Variants in TNIK observed in about 807,000 individuals in gnomAD.
The protein encoded by TNIK is TRAF2 and NCK-interacting protein kinase.
In TNIK, 49 loss-of-function variants were observed where a neutral mutation model predicts 191.3. The ratio of observed to expected loss-of-function variants is 0.26; its 90% confidence interval spans 0.20 to 0.32. The LOEUF is 0.32. TNIK is among the 10% of genes least tolerant of loss of function. TNIK has a pLI of 1.00. For synonymous variants in TNIK, 594 were observed against 600.9 expected (o/e 0.99, Z 0.17); for missense variants, 1,155 against 1,702.3 (o/e 0.68, Z 5.66).
intron 19 of TNIK, 97 bp from the exon 20 acceptor site, chr3:171,108,259 G>T: frequency 5.4e-6 from 5 of 933,796 alleles, no homozygotes; most frequent in South Asian, 2.1e-5. Flanking sequence ...ATCACATTGA[G>T]ATTACTCAGT....
intron 2 of TNIK, among the ~76,000 whole-genome samples, chr3:171,248,951 T>C (rs746745898): frequency 6.6e-6 from 1 of 152,318 alleles, no homozygotes; most frequent in East Asian, 1.9e-4. Flanking sequence ...AATAAAATGG[T>C]GATTTTGCTT....
chr3:171,198,716 G>T (rs1285598701), intron 4 of TNIK, among the ~76,000 whole-genome samples: 1 of 152,090 alleles, frequency 6.6e-6, no homozygotes, highest in Non-Finnish European at 1.5e-5. Context: ...CTATTTTTGT[G>T]TATTTTTAGG....
At chr3:171,380,033 A>ACGCG (rs1559998126) in intron 1 of TNIK, among the ~76,000 whole-genome samples, 1 of 142,510 alleles carries the variant, frequency 7.0e-6, no homozygotes, top group African/African-American at 2.8e-5. Flanking sequence ...ACACGCGCAC[A>ACGCG]CACACACACA....
At chr3:171,326,792 G>A (rs1755817610) in intron 2 of TNIK, among the ~76,000 whole-genome samples, 1 of 152,254 alleles carries the variant, frequency 6.6e-6, no homozygotes, top group African/African-American at 2.4e-5. Context: ...TAATTTATTT[G>A]TTCACATTGA....
intron 19 of TNIK, among the ~76,000 whole-genome samples, chr3:171,109,952 T>C (rs938676387): frequency 2.6e-5 from 4 of 152,144 alleles, no homozygotes; most frequent in African/African-American, 9.7e-5. Context: ...TTGCCAAGGC[T>C]GGAGTACAAT....
At chr3:171,078,002 A>C (rs1475338117) in intron 28 of TNIK, among the ~76,000 whole-genome samples, 1 of 152,126 alleles carries the variant, frequency 6.6e-6, no homozygotes, top group Non-Finnish European at 1.5e-5. Flanking sequence ...TTAAGCTTCT[A>C]TATTGCTGCT....
At chr3:171,251,877 A>C (rs13090306) in intron 2 of TNIK, among the ~76,000 whole-genome samples, 70,599 of 151,996 alleles carry the variant, frequency 0.46, 16,838 homozygotes, top group African/African-American at 0.55. Flanking sequence ...AAGGTGAAAG[A>C]TTGAGTTGGA....
intron 4 of TNIK, among the ~76,000 whole-genome samples, chr3:171,199,925 T>C (rs1381730581): frequency 6.6e-6 from 1 of 152,232 alleles, no homozygotes; most frequent in African/African-American, 2.4e-5. Context: ...ATAGCATCAA[T>C]ACCTCCCCAG....
At chr3:171,126,445 C>T (rs1728492335) in intron 16 of TNIK, among the ~76,000 whole-genome samples, 1 of 152,150 alleles carries the variant, frequency 6.6e-6, no homozygotes, top group South Asian at 2.1e-4. Flanking sequence ...TATTGACCAG[C>T]AATGCAATGT....
intron 2 of TNIK, among the ~76,000 whole-genome samples, chr3:171,261,906 C>A (rs912685071): frequency 6.6e-6 from 1 of 152,164 alleles, no homozygotes; most frequent in South Asian, 2.1e-4. Flanking sequence ...GTAGAAAAAT[C>A]CTCTGTGAAG....
intron 7 of TNIK, among the ~76,000 whole-genome samples, chr3:171,185,298 G>C (rs1336451495): frequency 6.6e-6 from 1 of 151,312 alleles, no homozygotes; most frequent in African/African-American, 2.4e-5. Context: ...TTAGTGGGTG[G>C]TTCTGTTAAA....
intron 6 of TNIK, among the ~76,000 whole-genome samples, chr3:171,189,213 A>G (rs1023332674): frequency 5.3e-5 from 8 of 152,330 alleles, no homozygotes; most frequent in Admixed American, 4.6e-4. Context: ...AGTTAGCATA[A>G]TATCATCAAG....
intron 1 of TNIK, among the ~76,000 whole-genome samples, chr3:171,422,688 A>T (rs1577878997): frequency 6.6e-6 from 1 of 152,360 alleles, no homozygotes; most frequent in East Asian, 1.9e-4. Flanking sequence ...ACCCTAAGTT[A>T]GCCTTGACCC....
chr3:171,083,521 C>T (rs936244563), intron 26 of TNIK, among the ~76,000 whole-genome samples: 3 of 152,206 alleles, frequency 2.0e-5, no homozygotes, highest in African/African-American at 7.2e-5. Context: ...GATAGAATCT[C>T]ATCATGCCTC....
intron 2 of TNIK, among the ~76,000 whole-genome samples, chr3:171,261,473 ACCCC>A (rs1379305391): frequency 6.6e-6 from 1 of 152,168 alleles, no homozygotes; most frequent in African/African-American, 2.4e-5. Context: ...TCAAACAAGA[ACCCC>A]AGCAGGAATG....
intron 1 of TNIK, among the ~76,000 whole-genome samples, chr3:171,422,379 C>T (rs1051370811): frequency 6.6e-6 from 1 of 152,126 alleles, no homozygotes; most frequent in African/African-American, 2.4e-5. Flanking sequence ...TCAAACCAAA[C>T]ACACTGTTTA....
intron 12 of TNIK, among the ~76,000 whole-genome samples, chr3:171,143,039 T>A (rs922331284): frequency 9.9e-5 from 15 of 152,188 alleles, no homozygotes. Context: ...TGATTGCAAC[T>A]CAAGAGCGTC....
intron 2 of TNIK, among the ~76,000 whole-genome samples, chr3:171,346,772 G>T (rs950735248): frequency 6.6e-6 from 1 of 152,076 alleles, no homozygotes; most frequent in African/African-American, 2.4e-5. Flanking sequence ...AAGCAAATTA[G>T]GTTTTCTGTG....
At chr3:171,232,157 T>C (rs971348175) in intron 2 of TNIK, among the ~76,000 whole-genome samples, 2 of 152,064 alleles carry the variant, frequency 1.3e-5, no homozygotes, top group Non-Finnish European at 2.9e-5. Context: ...AAATTTAAAA[T>C]ACAAATATAG....
Sources: allele counts gnomAD v4.1 joint callset (sites outside exome capture counted in the v4.1 genomes callset), GRCh38; gene constraint gnomAD v4.1.1; transcripts MANE v1.5; gene names NCBI Gene and HGNC (gene_info 2026-07-23, HGNC 2026-07-21).